SNX25: variants seen among roughly 807,000 people sequenced by gnomAD.
The protein encoded by SNX25 is sorting nexin-25.
Under a neutral mutation model 113.7 loss-of-function variants are expected in SNX25, and 62 were observed. That is an observed-to-expected ratio of 0.55 (90% CI 0.44 to 0.67). SNX25 has a LOEUF of 0.67. Ranked by LOEUF, SNX25 falls within the 30% of genes least tolerant of loss-of-function variation. The probability of loss-of-function intolerance (pLI) is 0.00; values close to 1 mark genes in which losing one functional copy is unlikely to be tolerated. For synonymous variants in SNX25, 421 were observed against 436.2 expected (o/e 0.97, Z 0.43); for missense variants, 1,014 against 1,161.0 (o/e 0.87, Z 1.84).
intron 10 of SNX25, 35 bp downstream of exon 10, chr4:185,332,794 TA>T: frequency 2.5e-6 from 4 of 1,597,450 alleles, no homozygotes; most frequent in Non-Finnish European, 3.4e-6. Context: ...CTTTGAAAGT[TA>T]ACATTTGTCT....
At chr4:185,219,624 C>T (rs1739469681) in intron 1 of SNX25, among the ~76,000 whole-genome samples, 1 of 152,104 alleles carries the variant, frequency 6.6e-6, no homozygotes, top group Admixed American at 6.6e-5. Flanking sequence ...AACTTATGCC[C>T]CTCCTTGCAT....
chr4:185,215,140 A>G (rs1463042073), intron 1 of SNX25, among the ~76,000 whole-genome samples: 3 of 151,962 alleles, frequency 2.0e-5, no homozygotes, highest in Admixed American at 1.3e-4. Flanking sequence ...GAGGCAGGAG[A>G]ATGGCGTGAA....
At chr4:185,295,401 CA>C (rs1752701365) in intron 6 of SNX25, among the ~76,000 whole-genome samples, 1 of 150,988 alleles carries the variant, frequency 6.6e-6, no homozygotes, top group African/African-American at 2.4e-5. Flanking sequence ...TACATTAATA[CA>C]CACAATATAA....
chr4:185,253,079 C>T (rs1300509135), intron 2 of SNX25, among the ~76,000 whole-genome samples: 2 of 152,092 alleles, frequency 1.3e-5, no homozygotes, highest in Non-Finnish European at 2.9e-5. Flanking sequence ...AAAAAGACGA[C>T]TTCTAAAAAT....
Position 185,362,036 on chromosome 4 carries a change from A to G in SNX25, c.2764A>G (p.Ile922Val). ...PNGKLAPPTT[I>V]RSKEQSQETK... ...TGGGAAGTTGGCACCACCGACCACA[A>G]TCAGAAGCAAAGAGCAAAGTCAGGA... The change falls in exon 17 of 19, where the codon ATC (isoleucine) becomes GTC (valine). Residue 922 changes from isoleucine to valine, a missense_variant. Transcript: ENST00000652585. The G allele has an allele frequency of 6.2e-7, 1 of 1,614,132 alleles. No homozygotes were observed.
intron 7 of SNX25, among the ~76,000 whole-genome samples, chr4:185,318,938 AG>A (rs2095096526): frequency 6.6e-6 from 1 of 152,158 alleles, no homozygotes. Flanking sequence ...ATATCTCCAC[AG>A]GTAGCTACTC....
intron 5 of SNX25, among the ~76,000 whole-genome samples, chr4:185,282,757 A>T (rs1309015031): frequency 6.6e-6 from 1 of 152,132 alleles, no homozygotes; most frequent in Non-Finnish European, 1.5e-5. Context: ...ACTTTACATT[A>T]TCATTTTGCA....
intron 7 of SNX25, among the ~76,000 whole-genome samples, chr4:185,315,736 A>C (rs1465937356): frequency 6.6e-6 from 1 of 152,170 alleles, no homozygotes; most frequent in Non-Finnish European, 1.5e-5. Flanking sequence ...AGGAAAAAAA[A>C]ACTTCAAAAT....
chr4:185,342,983 C>T (rs2126727263), intron 12 of SNX25, among the ~76,000 whole-genome samples: 1 of 152,296 alleles, frequency 6.6e-6, no homozygotes, highest in Non-Finnish European at 1.5e-5. Flanking sequence ...CTCCGCCTCC[C>T]AGGTTCAAGC....
chr4:185,283,048 TAAAC>T (rs1324592639), intron 5 of SNX25, among the ~76,000 whole-genome samples: 1 of 152,210 alleles, frequency 6.6e-6, no homozygotes, highest in Non-Finnish European at 1.5e-5. Context: ...AACAGTGAAT[TAAAC>T]AAATTCAGTA....
rs114307522 is a variant in SNX25, at chr4:185,296,443, T to C, written c.1162+8361T>C. Among the ~76,000 whole-genome samples the C allele has an allele frequency of 8.5e-3, 1,290 of 152,324 alleles. 17 individuals are homozygous for C. Among genetic ancestry groups the C allele is most frequent in the African/African-American group, 0.03 (1,228 of 41,568 alleles). On this transcript the variant is annotated intron_variant, in intron 6 of 18. Coordinates refer to ENST00000652585, the MANE Select transcript of SNX25 (RefSeq NM_001378034.2). Reference sequence around the variant, plus strand: ...AGGTTCACAGTAGATTAGTTTGTCTTAGAGAGAGAAACATTACTCTCCTTA... The same window carrying C: ...AGGTTCACAGTAGATTAGTTTGTCTCAGAGAGAGAAACATTACTCTCCTTA...
chr4:185,352,715 A>T (rs939572361), intron 14 of SNX25, among the ~76,000 whole-genome samples: 2 of 152,040 alleles, frequency 1.3e-5, no homozygotes, highest in African/African-American at 2.4e-5. Flanking sequence ...AGCCTCTATG[A>T]CTTCCCTGTC....
intron 13 of SNX25, 136 bp downstream of exon 13, chr4:185,346,786 T>G (rs2095289171): frequency 1.7e-6 from 1 of 572,668 alleles, no homozygotes; most frequent in Non-Finnish European, 3.0e-6. Context: ...ATCTTGGGTG[T>G]TTTTTTTAAT....
intron 2 of SNX25, among the ~76,000 whole-genome samples, chr4:185,255,307 TA>T (rs1746260811): frequency 6.6e-6 from 1 of 152,092 alleles, no homozygotes; most frequent in South Asian, 2.1e-4. Flanking sequence ...CTAATTTTTG[TA>T]TTTTTAGTAA....
intron 2 of SNX25, among the ~76,000 whole-genome samples, chr4:185,257,508 A>G (rs1303624231): frequency 6.6e-6 from 1 of 152,210 alleles, no homozygotes; most frequent in Non-Finnish European, 1.5e-5. Flanking sequence ...AGAGCTTAGT[A>G]CGAAAAAAAG....
At chr4:185,357,807 G>C in intron 16 of SNX25, 70 bp downstream of exon 16, 1 of 1,238,978 alleles carries the variant, frequency 8.1e-7, no homozygotes, top group African/African-American at 1.5e-5. Flanking sequence ...ATTACCTTAT[G>C]ATCTAGCAGC....
intron 6 of SNX25, among the ~76,000 whole-genome samples, chr4:185,297,785 A>T (rs1328439213): frequency 6.6e-6 from 1 of 152,226 alleles, no homozygotes; most frequent in Admixed American, 6.5e-5. Context: ...TAAGGGCTCT[A>T]ACTCCATCAT....
At chr4:185,271,978 A>C (rs1748995000) in intron 5 of SNX25, among the ~76,000 whole-genome samples, 1 of 152,244 alleles carries the variant, frequency 6.6e-6, no homozygotes, top group South Asian at 2.1e-4. Context: ...TGTCAGAACC[A>C]CTGAGACCTT....
At position 185,323,657 on chromosome 4, in the gene SNX25, T is replaced by A. The variant is rs2095136334; in HGVS notation, c.1606T>A (p.Phe536Ile). 1 of 1,613,704 alleles carries A rather than the reference T, an allele frequency of 6.2e-7. No individual in the cohort carries two copies. The highest frequency in any genetic ancestry group is 1.7e-5 in the Admixed American group (1 of 60,000). Residue 536 changes from phenylalanine to isoleucine, a missense_variant, in exon 9 of 19, where the codon TTC (phenylalanine) becomes ATC (isoleucine). By Grantham distance (21) the Phe-to-Ile change is conservative. Transcript: ENST00000652585. ...TGTAGGAAATAAAGGTATTGAAGTA[T>A]TCTACAAAATCCAGGAAGATGTTTA... ...CLVGNKGIEVFYKIQEDVYET... is the reference protein window; with the variant it reads ...CLVGNKGIEVIYKIQEDVYET...
Sources: gnomAD v4.1 joint callset for allele counts (sites outside exome capture counted in the v4.1 genomes callset) on GRCh38, gnomAD v4.1.1 for gene constraint, MANE v1.5 for transcripts, NCBI Gene and HGNC (gene_info 2026-07-23, HGNC 2026-07-21) for gene names.